SCN9A: variants seen among roughly 807,000 people sequenced by gnomAD.
The protein encoded by SCN9A is sodium voltage-gated channel alpha subunit 9.
Under a neutral mutation model 187.0 loss-of-function variants are expected in SCN9A, and 131 were observed. The ratio of observed to expected loss-of-function variants is 0.70; its 90% confidence interval spans 0.61 to 0.81. The LOEUF (loss-of-function observed/expected upper bound fraction) is 0.81, where lower values mean the gene tolerates loss of function less well. SCN9A is among the 30% of genes least tolerant of loss of function. The probability of loss-of-function intolerance (pLI) is 0.00; values close to 1 mark genes in which losing one functional copy is unlikely to be tolerated. For missense variants in SCN9A, 2,252 were observed against 2,396.6 expected (o/e 0.94, Z 1.26); for synonymous variants, 809 against 808.6 (o/e 1.00, Z -0.01).
intron 8 of SCN9A, among the ~76,000 whole-genome samples, chr2:166,293,955 G>A (rs1279559593): frequency 2.6e-5 from 4 of 152,010 alleles, no homozygotes; most frequent in Non-Finnish European, 5.9e-5. Context: ...ATTCTTCTGG[G>A]AACAGCAACC....
chr2:166,299,741 G>T (rs1394853755), intron 7 of SCN9A, among the ~76,000 whole-genome samples: 2 of 150,694 alleles, frequency 1.3e-5, no homozygotes, highest in Admixed American at 1.3e-4. Flanking sequence ...TCCAAACTCA[G>T]CAGGCCCTCT....
chr2:166,241,885 A>C (rs1695580812), intron 19 of SCN9A, among the ~76,000 whole-genome samples: 1 of 152,172 alleles, frequency 6.6e-6, no homozygotes, highest in African/African-American at 2.4e-5. Flanking sequence ...CTCAACTAAC[A>C]GTCAACTAAG....
chr2:166,261,792 C>T (rs938164575), intron 17 of SCN9A, among the ~76,000 whole-genome samples: 4 of 151,838 alleles, frequency 2.6e-5, no homozygotes, highest in African/African-American at 9.7e-5. Flanking sequence ...ACATGTGTAC[C>T]TTGGTGTGGC....
At chr2:166,257,519 T>C (rs900566114) in intron 17 of SCN9A, among the ~76,000 whole-genome samples, 1 of 151,652 alleles carries the variant, frequency 6.6e-6, no homozygotes, top group Non-Finnish European at 1.5e-5. Context: ...AAATTTTACA[T>C]GGATAAAATA....
intron 24 of SCN9A, among the ~76,000 whole-genome samples, chr2:166,225,369 T>C (rs1445114404): frequency 3.3e-5 from 5 of 152,186 alleles, no homozygotes; most frequent in African/African-American, 1.2e-4. Flanking sequence ...TGTATATTTT[T>C]TGTGCTTGTT....
intron 1 of SCN9A, among the ~76,000 whole-genome samples, chr2:166,361,625 T>C (rs2105316093): frequency 6.6e-6 from 1 of 152,192 alleles, no homozygotes; most frequent in African/African-American, 2.4e-5. Flanking sequence ...AACATTGGAA[T>C]ATCATGGGAA....
intron 1 of SCN9A, among the ~76,000 whole-genome samples, chr2:166,349,089 T>C (rs1316125810): frequency 1.3e-5 from 2 of 152,032 alleles, no homozygotes; most frequent in Non-Finnish European, 2.9e-5. Context: ...ATCACGCCAT[T>C]GCACTTCAGG....
At chr2:166,313,136 A>G (rs1699020031) in intron 1 of SCN9A, among the ~76,000 whole-genome samples, 1 of 150,302 alleles carries the variant, frequency 6.7e-6, no homozygotes, top group African/African-American at 2.4e-5. Flanking sequence ...TTATTATGTA[A>G]TTTTCTGAAT....
chr2:166,225,995 T>G (rs1310555024), intron 24 of SCN9A, among the ~76,000 whole-genome samples: 2 of 152,176 alleles, frequency 1.3e-5, no homozygotes, highest in African/African-American at 4.8e-5. Context: ...GTTTGTATTA[T>G]CCTGTTCTCG....
intron 17 of SCN9A, among the ~76,000 whole-genome samples, chr2:166,265,738 T>C (rs1221285672): frequency 6.6e-6 from 1 of 151,996 alleles, no homozygotes; most frequent in Non-Finnish European, 1.5e-5. Flanking sequence ...ATCTTTTGAT[T>C]TTTTGATGGT....
chr2:166,325,722 T>C (rs1292322059), intron 1 of SCN9A, among the ~76,000 whole-genome samples: 3 of 152,140 alleles, frequency 2.0e-5, no homozygotes, highest in Admixed American at 6.6e-5. Flanking sequence ...TCTGTGTTAC[T>C]TTAGGAACTG....
chr2:166,269,454 AAG>A (rs1001245998), intron 17 of SCN9A, among the ~76,000 whole-genome samples: 4 of 152,022 alleles, frequency 2.6e-5, no homozygotes, highest in Non-Finnish European at 5.9e-5. Flanking sequence ...CAAATGGACA[AAG>A]AGAGGACAAG....
At chr2:166,222,272 C>T (rs1176679661) in intron 24 of SCN9A, among the ~76,000 whole-genome samples, 1 of 152,170 alleles carries the variant, frequency 6.6e-6, no homozygotes, top group Non-Finnish European at 1.5e-5. Flanking sequence ...AGAAGGCATG[C>T]AAATGACCAA....
intron 1 of SCN9A, among the ~76,000 whole-genome samples, chr2:166,361,637 C>A (rs1200436376): frequency 6.6e-6 from 1 of 151,602 alleles, no homozygotes; most frequent in Non-Finnish European, 1.5e-5. Context: ...TCATGGGAAC[C>A]AAAGAAAAAT....
At chr2:166,229,057 A>G in intron 21 of SCN9A, 85 bp from the exon 22 acceptor site, 1 of 1,131,592 alleles carries the variant, frequency 8.8e-7, no homozygotes. Flanking sequence ...GCAGACATAA[A>G]TAAATTAGAA....
At chr2:166,328,317 G>C (rs1699414521) in intron 1 of SCN9A, among the ~76,000 whole-genome samples, 2 of 151,740 alleles carry the variant, frequency 1.3e-5, no homozygotes, top group African/African-American at 4.8e-5. Flanking sequence ...AGGTAAACTT[G>C]TGTCATGGGG....
rs149207258 is a variant in SCN9A at position 166,199,827 on chromosome 2, C to A, written c.4812G>T (p.Val1604=). The A allele has an allele frequency of 0.077, 123,652 of 1,613,646 alleles. 5,262 individuals carry two copies. The highest frequency in any genetic ancestry group is 0.088 in the Non-Finnish European group (103,497 of 1,179,844). ...GGATCACTCGGAACAGGGTAGGGGA[C>A]ACAAAATACGTTTCAATCAAATCAG... The part of the protein sequence containing the change: ...FLADLIETYF[V]SPTLFRVIRL... Residue 1604 remains valine (V), a synonymous_variant, in exon 27 of 27, where the codon GTG becomes GTT. Coordinates refer to ENST00000642356, the MANE Select transcript of SCN9A (RefSeq NM_001365536.1).
rs915435490 is a variant in SCN9A, at chr2:166,348,778, C to T, written c.-51+26919G>A. 2.6e-5 allele frequency among the ~76,000 whole-genome samples: 4 copies of T among 152,072 alleles called. No homozygotes were observed. In the South Asian group the frequency reaches 8.3e-4, roughly 32 times the overall value. On this transcript the variant is annotated intron_variant, in intron 1 of 26. Transcript: ENST00000642356. ...TATGCTCCAATAGGGCATTTTAATTCTTCCCTCAGGAGCCAGTCCAAGAGT... is the reference window on the plus strand; with the variant it reads ...TATGCTCCAATAGGGCATTTTAATTTTTCCCTCAGGAGCCAGTCCAAGAGT...
At chr2:166,317,932 T>C (rs1241731317) in intron 1 of SCN9A, among the ~76,000 whole-genome samples, 3 of 152,196 alleles carry the variant, frequency 2.0e-5, no homozygotes, top group Non-Finnish European at 4.4e-5. Context: ...TCTAGAACAC[T>C]CATCTGAGAA....
Sources: gnomAD v4.1 joint callset for allele counts (sites outside exome capture counted in the v4.1 genomes callset) on GRCh38, gnomAD v4.1.1 for gene constraint, MANE v1.5 for transcripts, NCBI Gene and HGNC (gene_info 2026-07-23, HGNC 2026-07-21) for gene names.